Variants in SNX4 observed in about 807,000 individuals in gnomAD.
SNX4 encodes sorting nexin-4.
Under a neutral mutation model 70.8 loss-of-function variants are expected in SNX4, and 49 were observed. The ratio of observed to expected loss-of-function variants is 0.69; its 90% confidence interval spans 0.55 to 0.88. SNX4 has a LOEUF of 0.88. Among genes scored for constraint, SNX4 ranks in the 40% least tolerant of loss-of-function variants. SNX4 has a pLI of 0.00. For missense variants in SNX4, 528 were observed against 544.8 expected (o/e 0.97, Z 0.31); for synonymous variants, 206 against 183.8 (o/e 1.12, Z -0.98).
chr3:125,454,093 G>T, intron 11 of SNX4, 138 bp from the exon 12 acceptor site: 1 of 675,966 alleles, frequency 1.5e-6, no homozygotes, highest in Non-Finnish European at 2.5e-6. Context: ...AGGACATTAT[G>T]CTAAGTGAAA....
chr3:125,489,815 T>C lies in SNX4; in HGVS notation c.598-352A>G, dbSNP rs1055029803. 2.0e-5 allele frequency among the ~76,000 whole-genome samples: 3 copies of C among 152,298 alleles called. No individual in the cohort carries two copies. The East Asian group carries it at 5.8e-4, about 29-fold the overall frequency. ...GCCAAGAAAGGCAATGATACGTATATATAAACTAAATGCAACTACTGCTTT... is the reference window on the plus strand; with the variant it reads ...GCCAAGAAAGGCAATGATACGTATACATAAACTAAATGCAACTACTGCTTT... On this transcript the variant is annotated intron_variant, in intron 5 of 13. Transcript: ENST00000251775.
rs562481285 is a variant in SNX4, at chr3:125,469,934, T to C, written c.789-415A>G. 1.5e-4 allele frequency among the ~76,000 whole-genome samples: 23 copies of C among 152,316 alleles called. No homozygotes were observed. In the South Asian group the frequency reaches 3.5e-3, roughly 23 times the overall value. On this transcript the variant is annotated intron_variant, in intron 8 of 13. Transcript: ENST00000251775. ...CATGTACGGCTCTGATGAACATACC[T>C]GATTACATGCCACTGTTCTAGTAGC...
chr3:125,490,646 T>A (rs1203570938), intron 5 of SNX4, among the ~76,000 whole-genome samples: 5 of 152,112 alleles, frequency 3.3e-5, no homozygotes, highest in Non-Finnish European at 7.4e-5. Flanking sequence ...CACAACTTTT[T>A]AACTATTTTC....
At chr3:125,480,865 A>G (rs1335551160) in intron 6 of SNX4, among the ~76,000 whole-genome samples, 1 of 152,050 alleles carries the variant, frequency 6.6e-6, no homozygotes, top group Non-Finnish European at 1.5e-5. Context: ...CCATATCTAC[A>G]TCATTTTTTC....
chr3:125,515,217 T>C (rs1204486983), intron 1 of SNX4, among the ~76,000 whole-genome samples: 1 of 151,796 alleles, frequency 6.6e-6, no homozygotes, highest in Non-Finnish European at 1.5e-5. Flanking sequence ...CCAGGCGTGG[T>C]GGCGTGTGCC....
chr3:125,458,814 CAAAAAAAAAAAAAAAAAA>C (rs71148180), intron 10 of SNX4, among the ~76,000 whole-genome samples: 3,663 of 64,764 alleles, frequency 0.057, 254 homozygotes, highest in African/African-American at 0.22. Flanking sequence ...GACTCCGTCT[CAAAAAAAAAAAAAAAAAA>C]AAAAAAAAAA....
intron 9 of SNX4, 44 bp downstream of exon 9, chr3:125,469,410 C>A (rs1934112453): frequency 7.5e-7 from 1 of 1,329,324 alleles, no homozygotes; most frequent in Middle Eastern, 1.8e-4. Context: ...TGCTTCACTA[C>A]AGGACTTCAC....
chr3:125,461,933 G>A (rs1253456411), intron 9 of SNX4, among the ~76,000 whole-genome samples: 2 of 152,130 alleles, frequency 1.3e-5, no homozygotes, highest in South Asian at 2.1e-4. Flanking sequence ...GATTACAGGC[G>A]TGAGCCACAG....
intron 5 of SNX4, among the ~76,000 whole-genome samples, chr3:125,496,202 G>A (rs1934790332): frequency 6.6e-6 from 1 of 152,162 alleles, no homozygotes; most frequent in African/African-American, 2.4e-5. Context: ...GCTGAGGCAG[G>A]CGGATCGCTT....
In SNX4 at chr3:125,480,248, G is replaced by C; in HGVS notation, c.725C>G (p.Ala242Gly). 6.4e-7 allele frequency: 1 copy of C among 1,554,714 alleles called. No individual in the cohort carries two copies. Among genetic ancestry groups the C allele is most frequent in the Non-Finnish European group, 8.7e-7 (1 of 1,146,776 alleles). ...AAAAAGCTTTTGGGGACCACTTACA[G>C]CTCTGACTCGAAGAAGATGTGAGAT... ...SVISHLLRVR[A>G]RVADRLYGVY... The change falls in exon 7 of 14, where the codon GCT (alanine) becomes GGT (glycine). Residue 242 changes from alanine (A) to glycine (G), a missense_variant and splice_region_variant. Physicochemically the swap from Ala to Gly is moderately conservative, Grantham distance 60 (BLOSUM62 0). This residue lies in a region of SNX4 where 341 missense variants were observed against 312.2 expected (regional missense o/e 1.09). Coordinates refer to ENST00000251775, the MANE Select transcript of SNX4 (RefSeq NM_003794.4).
Position 125,489,416 on chromosome 3 carries a change from G to A in SNX4, c.645C>T (p.Asn215=). The A allele has an allele frequency of 1.2e-6, 2 of 1,612,612 alleles. No homozygotes were observed. The highest frequency in any genetic ancestry group is 1.7e-6 in the Non-Finnish European group (2 of 1,179,054). ...TTAAAACAAAACCTTACTTGTCTGGGTTTTTCACTCTGAATGTTGCATTAA... is the reference window on the plus strand; with the variant it reads ...TTAAAACAAAACCTTACTTGTCTGGATTTTTCACTCTGAATGTTGCATTAA... The part of the protein sequence containing the change: ...KALNATFRVK[N]PDKRFTDLKH... The change falls in exon 6 of 14, where the codon AAC becomes AAT. Residue 215 remains asparagine (N), a synonymous_variant. Coordinates refer to ENST00000251775, the MANE Select transcript of SNX4 (RefSeq NM_003794.4).
intron 8 of SNX4, 58 bp downstream of exon 8, chr3:125,476,637 G>T: frequency 1.0e-6 from 1 of 990,212 alleles, no homozygotes; most frequent in Non-Finnish European, 1.6e-6. Flanking sequence ...AAGAATTATT[G>T]TTTTCAGGCA....
chr3:125,495,283 TAC>T (rs202219407), intron 5 of SNX4, among the ~76,000 whole-genome samples: 4,274 of 87,758 alleles, frequency 0.049, 398 homozygotes, highest in African/African-American at 0.13. Context: ...TATATACACA[TAC>T]ACACACACAC....
In SNX4 at chr3:125,509,942, AC is replaced by A. The variant is rs573389208; in HGVS notation, c.142-5199del. Reference sequence around the variant, plus strand: ...CCTATTAGAATGGCTACTATGAAAAACAAACAATAGAAAATCAGTGTTGGTG... The same window carrying A: ...CCTATTAGAATGGCTACTATGAAAAAAAACAATAGAAAATCAGTGTTGGTG... On this transcript the variant is annotated intron_variant, in intron 1 of 13. Transcript: ENST00000251775. Among the ~76,000 whole-genome samples, 669 of 152,272 alleles carry A rather than the reference AC, an allele frequency of 4.4e-3. 7 individuals are homozygous for A. Among genetic ancestry groups the A allele is most frequent in the African/African-American group, 0.015 (643 of 41,556 alleles).
intron 1 of SNX4, among the ~76,000 whole-genome samples, chr3:125,518,949 G>C (rs1036370736): frequency 1.3e-5 from 2 of 152,088 alleles, no homozygotes; most frequent in Admixed American, 1.3e-4. Flanking sequence ...GGAGGCAGAG[G>C]TTGCAGTGAG....
intron 5 of SNX4, among the ~76,000 whole-genome samples, chr3:125,493,718 T>C (rs1332687653): frequency 6.7e-6 from 1 of 148,396 alleles, no homozygotes; most frequent in Non-Finnish European, 1.5e-5. Context: ...GGTGTAATAA[T>C]CACTCTCAAA....
At chr3:125,488,321 G>T (rs7621844) in intron 6 of SNX4, among the ~76,000 whole-genome samples, 3 of 151,304 alleles carry the variant, frequency 2.0e-5, no homozygotes, top group African/African-American at 7.3e-5. Flanking sequence ...ACTAAAATAC[G>T]AAAATTAACT....
At chr3:125,452,146 C>T (rs1484062596) in intron 12 of SNX4, among the ~76,000 whole-genome samples, 1 of 151,564 alleles carries the variant, frequency 6.6e-6, no homozygotes. Flanking sequence ...CGCTCTGTAG[C>T]CCAGGCTGGA....
chr3:125,505,206 G>C (rs917650210), intron 1 of SNX4, among the ~76,000 whole-genome samples: 1 of 152,208 alleles, frequency 6.6e-6, no homozygotes, highest in Non-Finnish European at 1.5e-5. Context: ...CTGACCTCAG[G>C]TGTTCCACCT....
Sources: allele counts gnomAD v4.1 joint callset (sites outside exome capture counted in the v4.1 genomes callset), GRCh38; gene constraint gnomAD v4.1.1; regional missense constraint gnomAD v4.1.1; transcripts MANE v1.5; gene names NCBI Gene and HGNC (gene_info 2026-07-23, HGNC 2026-07-21).